Variants in AVEN observed in about 807,000 individuals in gnomAD.
AVEN encodes apoptosis and caspase activation inhibitor, also known as cell death regulator Aven.
A neutral mutation model predicts 38.1 loss-of-function variants in AVEN; 41 were observed. The ratio of observed to expected loss-of-function variants is 1.08; its 90% CI spans 0.84 to 1.40. The LOEUF (loss-of-function observed/expected upper bound fraction) is 1.40, where lower values mean the gene tolerates loss of function less well. AVEN is among the 40% of genes most tolerant of loss of function. The pLI is 0.00. For missense variants in AVEN, 605 were observed against 438.8 expected (o/e 1.38, Z -3.38); for synonymous variants, 206 against 171.8 (o/e 1.20, Z -1.56).
chr15:33,940,023 G>A (rs1894252796), intron 2 of AVEN, among the ~76,000 whole-genome samples: 1 of 152,158 alleles, frequency 6.6e-6, no homozygotes, highest in Non-Finnish European at 1.5e-5. Flanking sequence ...GGTAAAGACA[G>A]AGCAAAAAGA....
intron 2 of AVEN, among the ~76,000 whole-genome samples, chr15:33,915,289 G>C (rs942056374): frequency 1.3e-5 from 2 of 152,100 alleles, no homozygotes; most frequent in Non-Finnish European, 2.9e-5. Context: ...ACTCTTTGAA[G>C]GAAGCAAGCG....
chr15:33,867,926 A>C, intron 4 of AVEN, 71 bp from the exon 5 acceptor site: 1 of 1,493,300 alleles, frequency 6.7e-7, no homozygotes, highest in Non-Finnish European at 8.9e-7. Flanking sequence ...AATACATAGG[A>C]GGCTAAACGA....
At chr15:33,977,957 AAGAAAG>A (rs1178470833) in intron 2 of AVEN, among the ~76,000 whole-genome samples, 3 of 150,890 alleles carry the variant, frequency 2.0e-5, no homozygotes, top group East Asian at 2.0e-4. Context: ...AAGAAAAGAA[AAGAAAG>A]AGAAAGAGAA....
At chr15:33,855,570 G>A (rs1264013613), downstream of AVEN, among the ~76,000 whole-genome samples, 1 of 152,102 alleles carries the variant, frequency 6.6e-6, no homozygotes, top group South Asian at 2.1e-4. Flanking sequence ...TTAGCAAGTA[G>A]ACATACTGTA....
Position 34,063,947 on chromosome 15 carries a change from C to T in AVEN, n.1127-515G>A, listed in dbSNP as rs1352309430. The T allele has an allele frequency of 6.2e-7, 1 of 1,614,116 alleles. No homozygotes were observed. Among genetic ancestry groups the T allele is most frequent in the East Asian group, 2.2e-5 (1 of 44,864 alleles). The stretch of plus-strand genomic sequence containing the variant: ...TCATGCCCTGCCCCTTCCCAGTGGC[C>T]AAGGAACCTTCAACGAAAGGCCTCA... On this transcript the variant is annotated intron_variant and non_coding_transcript_variant, in intron 4 of 11. Coordinates refer to the AVEN transcript ENST00000675287. The surrounding 1 kb of genome is among the most constrained non-coding windows in gnomAD (Gnocchi z 4.1).
chr15:34,072,429 G>A (rs903704080), intron 1 of AVEN, among the ~76,000 whole-genome samples: 3 of 151,440 alleles, frequency 2.0e-5, no homozygotes, highest in African/African-American at 2.4e-5. Context: ...TAACCAACAT[G>A]GTGAAACCCC....
intron 2 of AVEN, among the ~76,000 whole-genome samples, chr15:33,884,958 G>A (rs1362796279): frequency 1.3e-5 from 2 of 152,126 alleles, no homozygotes. Flanking sequence ...AATCTTTGTG[G>A]TGTCTCCTTT....
intron 1 of AVEN, among the ~76,000 whole-genome samples, chr15:34,006,742 G>A (rs920603476): frequency 6.6e-6 from 1 of 152,162 alleles, no homozygotes; most frequent in Non-Finnish European, 1.5e-5. Flanking sequence ...CACAAATGCA[G>A]AGACAGAGTT....
At chr15:33,974,375 G>C (rs1300644548) in intron 2 of AVEN, among the ~76,000 whole-genome samples, 1 of 152,126 alleles carries the variant, frequency 6.6e-6, no homozygotes, top group Non-Finnish European at 1.5e-5. Flanking sequence ...ATGAATCTTT[G>C]CAAGTTACCT....
At chr15:34,025,265 T>C (rs369006502) in intron 1 of AVEN, among the ~76,000 whole-genome samples, 7 of 152,206 alleles carry the variant, frequency 4.6e-5, no homozygotes, top group African/African-American at 1.7e-4. Flanking sequence ...AGAGTTTTGG[T>C]TGCAAACTAT....
At chr15:33,890,363 T>C (rs1891888053) in intron 2 of AVEN, among the ~76,000 whole-genome samples, 1 of 152,202 alleles carries the variant, frequency 6.6e-6, no homozygotes, top group African/African-American at 2.4e-5. Context: ...TTAGTAAATG[T>C]GCATTTAGGA....
chr15:33,996,461 C>A (rs1373492598), intron 2 of AVEN, among the ~76,000 whole-genome samples: 1 of 152,146 alleles, frequency 6.6e-6, no homozygotes, highest in Non-Finnish European at 1.5e-5. Context: ...AGGCGGGTGC[C>A]CCTCTGGGAC....
intron 2 of AVEN, among the ~76,000 whole-genome samples, chr15:33,971,848 T>C (rs1350323529): frequency 6.6e-6 from 1 of 152,112 alleles, no homozygotes; most frequent in Non-Finnish European, 1.5e-5. Context: ...AGGATGTAGT[T>C]CACCATGAAG....
At chr15:34,032,023 G>GCACACACACA (rs10643932) in intron 1 of AVEN, among the ~76,000 whole-genome samples, 4,471 of 148,978 alleles carry the variant, frequency 0.03, 189 homozygotes, top group Admixed American at 0.13. Flanking sequence ...GCGCGCACAC[G>GCACACACACA]CACACACACA....
At chr15:33,865,043 T>TA, downstream of AVEN, 1 of 953,256 alleles carries the variant, frequency 1.0e-6, no homozygotes, top group Admixed American at 2.0e-5. Flanking sequence ...TCAGTCTTCC[T>TA]AAAGGGAGCC....
chr15:34,020,457 C>A (rs1249241275), intron 1 of AVEN, among the ~76,000 whole-genome samples: 1 of 152,206 alleles, frequency 6.6e-6, no homozygotes, highest in Admixed American at 6.5e-5. Flanking sequence ...AATACTATTT[C>A]TCTTAAAGCA....
chr15:34,016,172 T>C lies in AVEN; in HGVS notation c.268-12963A>G, dbSNP rs546416127. ...ACGCCTGTAATTCCAGCTACTCGGT[T>C]ACAGTGAGCCAAGATCGTGCCATTG... is the stretch of plus-strand genomic sequence containing the variant. On this transcript the variant is annotated intron_variant, in intron 1 of 5. Coordinates refer to ENST00000306730, the MANE Select transcript of AVEN (RefSeq NM_020371.3). Among the ~76,000 whole-genome samples, 26 of 152,178 alleles carry C rather than the reference T, an allele frequency of 1.7e-4. No homozygotes were observed. In the South Asian group the frequency reaches 4.8e-3, roughly 28 times the overall value.
chr15:33,987,661 G>C (rs951105825), intron 2 of AVEN, among the ~76,000 whole-genome samples: 2 of 152,200 alleles, frequency 1.3e-5, no homozygotes, highest in African/African-American at 4.8e-5. Flanking sequence ...TGGTCCACCT[G>C]CATCTGCAGG....
intron 4 of AVEN, among the ~76,000 whole-genome samples, chr15:33,870,085 CT>C (rs1459377792): frequency 3.9e-5 from 6 of 152,154 alleles, no homozygotes; most frequent in Admixed American, 2.0e-4. Flanking sequence ...TCTACAAAGT[CT>C]TGAATTTTTT....
Sources: gnomAD v4.1 joint callset for allele counts (sites outside exome capture counted in the v4.1 genomes callset) on GRCh38, gnomAD v4.1.1 for gene constraint, Gnocchi (gnomAD v3.1) non-coding constraint, MANE v1.5 for transcripts, NCBI Gene and HGNC (gene_info 2026-07-23, HGNC 2026-07-21) for gene names.